The following YES1 variants were observed in gnomAD, a reference collection of about 807,000 sequenced individuals.
YES1 encodes the protein tyrosine-protein kinase Yes.
In YES1, 39 loss-of-function variants were observed where a neutral mutation model predicts 70.4. The observed-to-expected ratio is 0.55, with a 90% CI of 0.43 to 0.72. The LOEUF (loss-of-function observed/expected upper bound fraction) is 0.72, where lower values mean the gene tolerates loss of function less well. Ranked by LOEUF, YES1 falls within the 30% of genes least tolerant of loss-of-function variation. The probability of loss-of-function intolerance (pLI) is 0.00; values close to 1 mark genes in which losing one functional copy is unlikely to be tolerated. For synonymous variants in YES1, 198 were observed against 218.6 expected (o/e 0.91, Z 0.83); for missense variants, 495 against 644.8 (o/e 0.77, Z 2.52).
intron 1 of YES1, among the ~76,000 whole-genome samples, chr18:802,550 A>C (rs1906881314): frequency 6.6e-6 from 1 of 152,146 alleles, no homozygotes; most frequent in East Asian, 1.9e-4. Context: ...ATCTCAAAAA[A>C]AAAAAAAAAA....
intron 1 of YES1, among the ~76,000 whole-genome samples, chr18:774,889 A>G (rs1482690806): frequency 6.6e-6 from 1 of 151,926 alleles, no homozygotes; most frequent in Non-Finnish European, 1.5e-5. Flanking sequence ...GCAGCCTTCA[A>G]CTCCTACTAC....
At chr18:740,313 A>G (rs1282351938) in intron 8 of YES1, among the ~76,000 whole-genome samples, 1 of 152,236 alleles carries the variant, frequency 6.6e-6, no homozygotes, top group Non-Finnish European at 1.5e-5. Context: ...CTTCACTATT[A>G]TTTGTTAAGG....
chr18:788,518 C>G (rs1018376365), intron 1 of YES1, among the ~76,000 whole-genome samples: 1 of 152,050 alleles, frequency 6.6e-6, no homozygotes, highest in African/African-American at 2.4e-5. Flanking sequence ...AGCACATACA[C>G]GTATGGAAGT....
At chr18:763,374 A>C (rs112481414) in intron 1 of YES1, among the ~76,000 whole-genome samples, 1 of 152,134 alleles carries the variant, frequency 6.6e-6, no homozygotes, top group Non-Finnish European at 1.5e-5. Context: ...ACAAGTTATA[A>C]AACTATTCCA....
chr18:734,951 A>G (rs2080135063), intron 10 of YES1, among the ~76,000 whole-genome samples: 1 of 152,152 alleles, frequency 6.6e-6, no homozygotes, highest in African/African-American at 2.4e-5. Context: ...TGAGGTCAGG[A>G]GTTTGAGACC....
intron 1 of YES1, among the ~76,000 whole-genome samples, chr18:783,019 A>T (rs947665261): frequency 6.6e-6 from 1 of 151,858 alleles, no homozygotes; most frequent in Non-Finnish European, 1.5e-5. Context: ...CTAATGCTGC[A>T]AACAGACTAC....
At chr18:770,773 G>A (rs1196818431) in intron 1 of YES1, among the ~76,000 whole-genome samples, 2 of 152,078 alleles carry the variant, frequency 1.3e-5, no homozygotes, top group African/African-American at 4.8e-5. Context: ...TCATTATTTT[G>A]TCCAGATTTT....
At chr18:744,176 G>T (rs1464449691) in intron 6 of YES1, among the ~76,000 whole-genome samples, 1 of 151,488 alleles carries the variant, frequency 6.6e-6, no homozygotes, top group African/African-American at 2.4e-5. Context: ...GAAAACATAC[G>T]CAACTTTCCC....
At chr18:752,482 T>C (rs1266786828) in intron 2 of YES1, among the ~76,000 whole-genome samples, 1 of 152,130 alleles carries the variant, frequency 6.6e-6, no homozygotes, top group Non-Finnish European at 1.5e-5. Context: ...AATCAATTAT[T>C]TGACAGAAAA....
chr18:753,979 T>C (rs531305879), intron 2 of YES1, among the ~76,000 whole-genome samples: 1 of 152,284 alleles, frequency 6.6e-6, no homozygotes, highest in South Asian at 2.1e-4. Flanking sequence ...CTATTTACTT[T>C]CCATTTCCAC....
chr18:726,781 C>CAG (rs2080024874), intron 11 of YES1, among the ~76,000 whole-genome samples: 1 of 47,232 alleles, frequency 2.1e-5, no homozygotes, highest in Non-Finnish European at 3.5e-5. Flanking sequence ...ACTCTTGTCT[C>CAG]AAAAAAAAAA....
chr18:786,619 C>T (rs1048428047), intron 1 of YES1, among the ~76,000 whole-genome samples: 20 of 151,688 alleles, frequency 1.3e-4, no homozygotes, highest in Non-Finnish European at 1.9e-4. Context: ...TTCAGGGTGG[C>T]AATAACAATT....
At chr18:791,359 A>G (rs930919379) in intron 1 of YES1, among the ~76,000 whole-genome samples, 1 of 152,214 alleles carries the variant, frequency 6.6e-6, no homozygotes, top group Non-Finnish European at 1.5e-5. Flanking sequence ...ATAGTAACAG[A>G]TAACATTAGG....
intron 1 of YES1, among the ~76,000 whole-genome samples, chr18:765,247 A>AATATATATATATAT (rs1568204656): frequency 3.2e-5 from 2 of 62,366 alleles, no homozygotes; most frequent in African/African-American, 1.1e-4. Flanking sequence ...AAGAGTTACA[A>AATATATATATATAT]CTATATATAT....
At chr18:751,555 T>C in intron 3 of YES1, 150 bp downstream of exon 3, 1 of 572,266 alleles carries the variant, frequency 1.7e-6, no homozygotes, top group Non-Finnish European at 3.1e-6. Flanking sequence ...TGTTGCAACA[T>C]GCATCTATAG....
chr18:765,000 C>G (rs1904807298), intron 1 of YES1, among the ~76,000 whole-genome samples: 1 of 152,030 alleles, frequency 6.6e-6, no homozygotes, highest in Non-Finnish European at 1.5e-5. Flanking sequence ...TCCCAAAGGG[C>G]TGAGATTACA....
intron 1 of YES1, among the ~76,000 whole-genome samples, chr18:758,844 A>C (rs1189341958): frequency 6.6e-6 from 1 of 152,216 alleles, no homozygotes; most frequent in African/African-American, 2.4e-5. Flanking sequence ...TATCTATCAT[A>C]TAGGTTTACT....
chr18:751,330 CCCT>C (rs1046720287), intron 3 of YES1, among the ~76,000 whole-genome samples: 3 of 151,690 alleles, frequency 2.0e-5, no homozygotes, highest in African/African-American at 4.9e-5. Flanking sequence ...AACTTTCTCC[CCCT>C]CCTTTTTTTT....
intron 8 of YES1, among the ~76,000 whole-genome samples, chr18:742,206 G>A (rs779563120): frequency 6.6e-6 from 1 of 152,086 alleles, no homozygotes; most frequent in Non-Finnish European, 1.5e-5. Context: ...AGTACCATCT[G>A]CACAGGGAAA....
Sources: allele counts gnomAD v4.1 joint callset (sites outside exome capture counted in the v4.1 genomes callset), GRCh38; gene constraint gnomAD v4.1.1; transcripts MANE v1.5; gene names NCBI Gene and HGNC (gene_info 2026-07-23, HGNC 2026-07-21).